ADGRL2: variants seen among roughly 807,000 people sequenced by gnomAD.
The protein encoded by ADGRL2 is calcium-independent alpha-latrotoxin receptor 2.
ADGRL2 carries 44 observed loss-of-function variants against 157.4 expected under a neutral mutation model. That is an observed-to-expected ratio of 0.28 (90% CI 0.22 to 0.36). The LOEUF (loss-of-function observed/expected upper bound fraction) is 0.36, where lower values mean the gene tolerates loss of function less well. Among genes scored for constraint, ADGRL2 ranks in the 10% least tolerant of loss-of-function variants. The pLI is 1.00. For missense variants in ADGRL2, 1,510 were observed against 1,768.9 expected, an observed-to-expected ratio of 0.85 and a Z score of 2.63; for synonymous variants, 585 against 624.7, an observed-to-expected ratio of 0.94 and a Z score of 0.95.
At chr1:81,714,598 AC>A (rs2084045878) in intron 1 of ADGRL2, among the ~76,000 whole-genome samples, 1 of 152,232 alleles carries the variant, frequency 6.6e-6, no homozygotes, top group Admixed American at 6.5e-5. Context: ...GAAGTCAGGC[AC>A]AAAACTCTAA....
intron 16 of ADGRL2, among the ~76,000 whole-genome samples, chr1:81,971,541 C>G (rs1464578389): frequency 6.6e-6 from 1 of 152,104 alleles, no homozygotes; most frequent in Non-Finnish European, 1.5e-5. Flanking sequence ...TATTGAGTTT[C>G]AAGTCTGTCT....
rs553080207 is a variant in ADGRL2, at chr1:81,517,266, T to G, written c.-247-63610T>G. On this transcript the variant is annotated intron_variant, in intron 2 of 24. Coordinates refer to the ADGRL2 transcript ENST00000370721. ...GGTGGGCAGATTACAAGGTCCAGAG[T>G]TCAAGACCAGCCTGACCAACATGGT... 9.0e-3 allele frequency among the ~76,000 whole-genome samples: 1,357 copies of G among 150,414 alleles called. 13 individuals are homozygous for G. The highest frequency in any genetic ancestry group is 0.014 in the Non-Finnish European group (959 of 67,630).
At chr1:81,877,921 T>C (rs985326534) in intron 2 of ADGRL2, among the ~76,000 whole-genome samples, 1 of 152,146 alleles carries the variant, frequency 6.6e-6, no homozygotes, top group Admixed American at 6.6e-5. Flanking sequence ...TAAATCTTAT[T>C]TGAAAGAAAG....
chr1:81,436,746 A>G (rs2077417016), intron 1 of ADGRL2, among the ~76,000 whole-genome samples: 1 of 152,242 alleles, frequency 6.6e-6, no homozygotes, highest in Non-Finnish European at 1.5e-5. Context: ...TGGTCTGCTC[A>G]GTGAACCTCA....
At chr1:81,524,680 C>A (rs1388511473) in intron 2 of ADGRL2, among the ~76,000 whole-genome samples, 2 of 151,920 alleles carry the variant, frequency 1.3e-5, no homozygotes, top group African/African-American at 4.8e-5. Context: ...TTAACAACAA[C>A]AACCAAAAAA....
chr1:81,937,626 T>C (rs542273709), intron 4 of ADGRL2, among the ~76,000 whole-genome samples: 1 of 151,854 alleles, frequency 6.6e-6, no homozygotes, highest in Admixed American at 6.6e-5. Flanking sequence ...TTTGATAGTA[T>C]TGTTGTCTTC....
At chr1:81,425,074 T>C (rs1214202992) in intron 1 of ADGRL2, among the ~76,000 whole-genome samples, 1 of 152,236 alleles carries the variant, frequency 6.6e-6, no homozygotes, top group Non-Finnish European at 1.5e-5. Context: ...GCAGAGGCTT[T>C]CTAAATCCCC....
intron 3 of ADGRL2, among the ~76,000 whole-genome samples, chr1:81,673,087 G>C (rs920724357): frequency 6.6e-6 from 1 of 152,088 alleles, no homozygotes; most frequent in Non-Finnish European, 1.5e-5. Context: ...TCCAGCTTTT[G>C]TCTTACTTAT....
intron 2 of ADGRL2, among the ~76,000 whole-genome samples, chr1:81,507,979 C>A (rs772879563): frequency 6.6e-6 from 1 of 152,038 alleles, no homozygotes; most frequent in Non-Finnish European, 1.5e-5. Context: ...TTTTTTCTTT[C>A]CTTTCCAATC....
chr1:81,964,580 T>C (rs1021677819), intron 11 of ADGRL2, among the ~76,000 whole-genome samples: 3 of 152,118 alleles, frequency 2.0e-5, no homozygotes, highest in Non-Finnish European at 4.4e-5. Flanking sequence ...TGTATGAATG[T>C]TATTATATTT....
At chr1:81,492,829 A>T (rs1332123837) in intron 2 of ADGRL2, among the ~76,000 whole-genome samples, 2 of 152,172 alleles carry the variant, frequency 1.3e-5, no homozygotes, top group Non-Finnish European at 2.9e-5. Context: ...TTAAGTAGGG[A>T]CTGATGAATA....
chr1:81,787,410 C>A (rs1290746592), intron 2 of ADGRL2, among the ~76,000 whole-genome samples: 1 of 152,126 alleles, frequency 6.6e-6, no homozygotes, highest in African/African-American at 2.4e-5. Context: ...GTAATCCCAG[C>A]ACTTTAGGAG....
intron 3 of ADGRL2, among the ~76,000 whole-genome samples, chr1:81,622,712 G>T (rs2148716703): frequency 6.6e-6 from 1 of 152,278 alleles, no homozygotes; most frequent in South Asian, 2.1e-4. Flanking sequence ...CTATAATTGT[G>T]CCACCGTACT....
chr1:81,634,360 C>G (rs1327471770), intron 3 of ADGRL2, among the ~76,000 whole-genome samples: 1 of 152,034 alleles, frequency 6.6e-6, no homozygotes, highest in East Asian at 1.9e-4. Context: ...GAGAACTTCT[C>G]CACTTAAACC....
At chr1:81,845,409 C>A (rs765828721) in intron 2 of ADGRL2, among the ~76,000 whole-genome samples, 1 of 151,880 alleles carries the variant, frequency 6.6e-6, no homozygotes, top group South Asian at 2.1e-4. Flanking sequence ...TTCAAATTGG[C>A]TTTTTTGAAG....
intron 3 of ADGRL2, among the ~76,000 whole-genome samples, chr1:81,593,780 T>C (rs764162275): frequency 1.3e-5 from 2 of 152,326 alleles, no homozygotes; most frequent in African/African-American, 2.4e-5. Context: ...AGTGTACCTA[T>C]GCTTCTAAGC....
intron 1 of ADGRL2, chr1:81,721,770 A>G: frequency 7.2e-7 from 1 of 1,391,576 alleles, no homozygotes; most frequent in Non-Finnish European, 1.0e-6. Flanking sequence ...CACACCGAGG[A>G]AATGTGCTTC....
At chr1:81,583,465 CT>C (rs1332282023) in intron 3 of ADGRL2, among the ~76,000 whole-genome samples, 37 of 151,926 alleles carry the variant, frequency 2.4e-4, no homozygotes, top group Admixed American at 2.4e-3. Flanking sequence ...AAGGTTCACT[CT>C]TTGAGATGAG....
At chr1:81,893,650 ATACCATTGG>A in intron 2 of ADGRL2, among the ~76,000 whole-genome samples, 1 of 152,198 alleles carries the variant, frequency 6.6e-6, no homozygotes, top group Non-Finnish European at 1.5e-5. Context: ...GGCAGAGCTT[ATACCATTGG>A]TTCTGCTACC....
Sources: allele counts gnomAD v4.1 joint callset (sites outside exome capture counted in the v4.1 genomes callset), GRCh38; gene constraint gnomAD v4.1.1; transcripts MANE v1.5; gene names NCBI Gene and HGNC (gene_info 2026-07-23, HGNC 2026-07-21).